DLG1: variants seen among roughly 807,000 people sequenced by gnomAD.
DLG1 encodes disks large homolog 1.
Under a neutral mutation model 123.4 loss-of-function variants are expected in DLG1, and 42 were observed. That is an observed-to-expected ratio of 0.34 (90% CI 0.27 to 0.44). The LOEUF is 0.44. DLG1 is among the 20% of genes least tolerant of loss of function. The pLI, the probability that DLG1 is intolerant of heterozygous loss-of-function variation, is 1.00. For synonymous variants in DLG1, 317 were observed against 356.2 expected, an observed-to-expected ratio of 0.89 and a Z score of 1.24; for missense variants, 942 against 1,082.6, an observed-to-expected ratio of 0.87 and a Z score of 1.82.
intron 16 of DLG1, among the ~76,000 whole-genome samples, chr3:197,084,033 GAA>G (rs938785643): frequency 6.6e-6 from 1 of 151,944 alleles, no homozygotes; most frequent in African/African-American, 2.4e-5. Context: ...AAAGCAAAGA[GAA>G]AAGACCAGTG....
intron 5 of DLG1, chr3:197,183,936 C>T: frequency 7.0e-7 from 1 of 1,435,716 alleles, no homozygotes; most frequent in Non-Finnish European, 9.1e-7. Context: ...AAATAAAAAC[C>T]TTGAGAAATG....
chr3:197,286,375 T>C (rs1771857554), intron 3 of DLG1, among the ~76,000 whole-genome samples: 1 of 152,184 alleles, frequency 6.6e-6, no homozygotes, highest in Admixed American at 6.5e-5. Flanking sequence ...GCAGTGAAAC[T>C]GTTCCACCTC....
In DLG1 at chr3:197,085,854, T is replaced by C. The variant is rs1010304368; in HGVS notation, c.1662-98A>G. The C allele has an allele frequency of 1.5e-5, 17 of 1,156,792 alleles. No individual in the cohort carries two copies. The African/African-American group carries it at 1.7e-4, about 12-fold the overall frequency. 71.7% of individuals were successfully genotyped at this position (1,156,792 alleles called of 1,614,324 possible). On this transcript the variant is annotated intron_variant, in intron 15 of 24. Coordinates refer to ENST00000667157, the MANE Select transcript of DLG1 (RefSeq NM_001366207.1). ...TATATGTAATTTGGGTAATTAAATATATCATAGTAGGCCAAATAATGCCCA... is the reference window on the plus strand; with the variant it reads ...TATATGTAATTTGGGTAATTAAATACATCATAGTAGGCCAAATAATGCCCA...
chr3:197,181,672 G>A (rs779463970), intron 5 of DLG1, among the ~76,000 whole-genome samples: 4 of 152,064 alleles, frequency 2.6e-5, no homozygotes, highest in Non-Finnish European at 4.4e-5. Context: ...TTACAAAAAT[G>A]TATAAAATGA....
chr3:197,111,655 C>G (rs1057484474), intron 13 of DLG1, among the ~76,000 whole-genome samples: 1 of 152,204 alleles, frequency 6.6e-6, no homozygotes, highest in African/African-American at 2.4e-5. Flanking sequence ...AGACATGTAT[C>G]TTTTCCACCG....
Position 197,104,956 on chromosome 3 carries a change from G to A in DLG1, c.1493C>T (p.Ala498Val). 1.2e-6 allele frequency: 2 copies of A among 1,613,606 alleles called. No homozygotes were observed. Among genetic ancestry groups the A allele is most frequent in the Non-Finnish European group, 1.7e-6 (2 of 1,179,784 alleles). Residue 498 changes from alanine to valine, a missense_variant, in exon 14 of 25, where the codon GCA (alanine) becomes GTA (valine). Ala to Val is a moderately conservative substitution (Grantham distance 64). Coordinates refer to ENST00000667157, the MANE Select transcript of DLG1 (RefSeq NM_001366207.1). ...GACAGCCTGGCCAGCATTTTTCAAT[G>A]CAGCTGCTGCCTGCTCATGACTAGC... ...RAASHEQAAAALKNAGQAVTI... is the reference protein window; with the variant it reads ...RAASHEQAAAVLKNAGQAVTI...
chr3:197,119,094 T>C (rs1774909140), intron 12 of DLG1, among the ~76,000 whole-genome samples: 1 of 152,180 alleles, frequency 6.6e-6, no homozygotes, highest in Admixed American at 6.5e-5. Flanking sequence ...AAGGAACATA[T>C]AAAATGTTAC....
chr3:197,123,753 G>A (rs1423182762), intron 11 of DLG1, among the ~76,000 whole-genome samples: 1 of 152,114 alleles, frequency 6.6e-6, no homozygotes, highest in African/African-American at 2.4e-5. Flanking sequence ...GACTGCTTAT[G>A]TCTGACAAGG....
At chr3:197,205,939 T>G (rs1204365489) in intron 4 of DLG1, among the ~76,000 whole-genome samples, 1 of 152,262 alleles carries the variant, frequency 6.6e-6, no homozygotes, top group Non-Finnish European at 1.5e-5. Context: ...CTGTCATCTC[T>G]CGGATTCTGT....
chr3:197,048,953 A>G (rs549989505), intron 24 of DLG1, among the ~76,000 whole-genome samples: 1 of 152,302 alleles, frequency 6.6e-6, no homozygotes, highest in South Asian at 2.1e-4. Flanking sequence ...CACTGTGCCC[A>G]GCCACCTCAA....
At chr3:197,277,458 TG>T (rs1221069124) in intron 4 of DLG1, among the ~76,000 whole-genome samples, 2 of 152,042 alleles carry the variant, frequency 1.3e-5, no homozygotes, top group African/African-American at 4.8e-5. Context: ...CTCACGTCTC[TG>T]CCTCCCAAGC....
intron 3 of DLG1, among the ~76,000 whole-genome samples, chr3:197,294,715 G>C (rs1181543289): frequency 2.0e-5 from 3 of 150,134 alleles, no homozygotes; most frequent in East Asian, 1.9e-4. Context: ...TCAATTGTAC[G>C]TAAGAATAGA....
At chr3:197,236,179 G>A (rs1745859922) in intron 4 of DLG1, among the ~76,000 whole-genome samples, 1 of 152,030 alleles carries the variant, frequency 6.6e-6, no homozygotes, top group Admixed American at 6.6e-5. Context: ...TGGGTGTGGT[G>A]GGGCATGCCT....
chr3:197,055,857 G>GTT (rs1731319975), intron 23 of DLG1, among the ~76,000 whole-genome samples: 1 of 152,182 alleles, frequency 6.6e-6, no homozygotes, highest in South Asian at 2.1e-4. Flanking sequence ...TGGCAGTGGG[G>GTT]TTTGCAACAA....
At chr3:197,121,560 T>C (rs1378189088) in intron 11 of DLG1, among the ~76,000 whole-genome samples, 1 of 152,060 alleles carries the variant, frequency 6.6e-6, no homozygotes, top group Non-Finnish European at 1.5e-5. Flanking sequence ...GTATTCTCTG[T>C]TAGATTCAAC....
chr3:197,285,584 T>TA (rs923406906), intron 3 of DLG1, among the ~76,000 whole-genome samples: 19 of 151,670 alleles, frequency 1.3e-4, no homozygotes, highest in South Asian at 2.1e-4. Context: ...GACAATCCAA[T>TA]AAAAAAATAG....
intron 4 of DLG1, among the ~76,000 whole-genome samples, chr3:197,216,601 G>T (rs1261173400): frequency 6.6e-6 from 1 of 152,140 alleles, no homozygotes; most frequent in East Asian, 1.9e-4. Context: ...AGGACCCAGG[G>T]TTTTCACTGT....
At chr3:197,273,197 T>TGTGTGC (rs1764682460) in intron 4 of DLG1, among the ~76,000 whole-genome samples, 1 of 150,738 alleles carries the variant, frequency 6.6e-6, no homozygotes, top group Non-Finnish European at 1.5e-5. Context: ...TATGTGTGTG[T>TGTGTGC]GTGTGTGTGT....
intron 23 of DLG1, 86 bp downstream of exon 23, chr3:197,059,802 TA>T: frequency 1.2e-6 from 1 of 827,602 alleles, no homozygotes; most frequent in Non-Finnish European, 2.0e-6. Context: ...ATTTTATAGA[TA>T]AACTGAGATG....
Sources: allele counts gnomAD v4.1 joint callset (sites outside exome capture counted in the v4.1 genomes callset), GRCh38; gene constraint gnomAD v4.1.1; transcripts MANE v1.5; gene names NCBI Gene and HGNC (gene_info 2026-07-23, HGNC 2026-07-21).